Variants in TCF7L2 observed in about 807,000 individuals in gnomAD.
The protein encoded by TCF7L2 is transcription factor 7 like 2.
Under a neutral mutation model 77.9 loss-of-function variants are expected in TCF7L2, and 23 were observed. That is an observed-to-expected ratio of 0.30 (90% CI 0.21 to 0.42). The LOEUF is 0.42. Among genes scored for constraint, TCF7L2 ranks in the 10% least tolerant of loss-of-function variants. The pLI, the probability that TCF7L2 is intolerant of heterozygous loss-of-function variation, is 1.00. For synonymous variants in TCF7L2, 413 were observed against 340.2 expected (o/e 1.21, Z -2.36); for missense variants, 654 against 793.1 (o/e 0.82, Z 2.11).
chr10:113,069,716 G>A (rs1005622395), intron 5 of TCF7L2, among the ~76,000 whole-genome samples: 5 of 152,162 alleles, frequency 3.3e-5, no homozygotes, highest in Non-Finnish European at 5.9e-5. Context: ...AGTGTACAGT[G>A]TATTCATTGA....
At chr10:113,132,543 C>T (rs536123181) in intron 5 of TCF7L2, among the ~76,000 whole-genome samples, 2 of 151,972 alleles carry the variant, frequency 1.3e-5, no homozygotes, top group East Asian at 1.9e-4. Context: ...TATTTGGTGG[C>T]GAGGGGGTGG....
intron 5 of TCF7L2, among the ~76,000 whole-genome samples, chr10:113,120,063 G>T (rs2064524969): frequency 6.6e-6 from 1 of 152,220 alleles, no homozygotes; most frequent in Non-Finnish European, 1.5e-5. Context: ...CGGCTAAGCT[G>T]TTGCCGCGGG....
intron 5 of TCF7L2, among the ~76,000 whole-genome samples, chr10:113,044,325 G>A (rs891458278): frequency 6.6e-6 from 1 of 152,228 alleles, no homozygotes; most frequent in African/African-American, 2.4e-5. Flanking sequence ...AGCTCAGAGG[G>A]CATGCTGAAC....
intron 4 of TCF7L2, among the ~76,000 whole-genome samples, chr10:112,977,874 C>T (rs144155527): frequency 0.014 from 2,104 of 152,156 alleles, 25 homozygotes; most frequent in Admixed American, 0.022. Context: ...TGCCTGCTGT[C>T]GGGGAGCAGC....
At chr10:113,143,242 C>T (rs1253256186) in intron 6 of TCF7L2, among the ~76,000 whole-genome samples, 1 of 152,238 alleles carries the variant, frequency 6.6e-6, no homozygotes, top group Non-Finnish European at 1.5e-5. Context: ...GGTGCCCATT[C>T]AGCAGGTGGG....
intron 4 of TCF7L2, among the ~76,000 whole-genome samples, chr10:112,983,675 C>A (rs997724896): frequency 6.6e-6 from 1 of 152,072 alleles, no homozygotes; most frequent in African/African-American, 2.4e-5. Flanking sequence ...GCCTCAAAGA[C>A]AAGTGGTGTT....
chr10:113,055,642 G>A (rs947054973), intron 5 of TCF7L2, among the ~76,000 whole-genome samples: 2 of 152,202 alleles, frequency 1.3e-5, no homozygotes, highest in Non-Finnish European at 2.9e-5. Flanking sequence ...TCACAGGAAA[G>A]AGCATAGTAT....
chr10:113,121,348 A>G (rs1194519025), intron 5 of TCF7L2, among the ~76,000 whole-genome samples: 3 of 152,188 alleles, frequency 2.0e-5, no homozygotes, highest in Admixed American at 6.5e-5. Context: ...ACAACATGCC[A>G]TTAGAAATTG....
chr10:112,951,668 C>T (rs2031400253), intron 3 of TCF7L2, 61 bp downstream of exon 3: 1 of 1,015,696 alleles, frequency 9.8e-7, no homozygotes, highest in Non-Finnish European at 1.2e-6. Flanking sequence ...CCCGCCGGGC[C>T]CCGCATGCGG....
chr10:113,131,719 T>A (rs2066630620), intron 5 of TCF7L2, among the ~76,000 whole-genome samples: 1 of 152,212 alleles, frequency 6.6e-6, no homozygotes, highest in Admixed American at 6.5e-5. Flanking sequence ...TGAAACCTTG[T>A]ATTCTTAGGG....
At chr10:113,148,304 G>A (rs1006030732) in intron 8 of TCF7L2, among the ~76,000 whole-genome samples, 25 of 152,138 alleles carry the variant, frequency 1.6e-4, no homozygotes, top group Non-Finnish European at 3.1e-4. Flanking sequence ...ACGAGAGCCG[G>A]CTCTGAAATC....
intron 5 of TCF7L2, among the ~76,000 whole-genome samples, chr10:113,105,524 C>G (rs542665923): frequency 6.6e-6 from 1 of 152,128 alleles, no homozygotes; most frequent in African/African-American, 2.4e-5. Context: ...GTTACCGTGG[C>G]TATTGTTCTG....
At chr10:112,969,325 T>G (rs2037716866) in intron 4 of TCF7L2, among the ~76,000 whole-genome samples, 1 of 152,256 alleles carries the variant, frequency 6.6e-6, no homozygotes, top group Non-Finnish European at 1.5e-5. Context: ...TGGTTTGCTC[T>G]TTTTCATGGC....
At chr10:113,025,399 T>C (rs1175860476) in intron 4 of TCF7L2, among the ~76,000 whole-genome samples, 1 of 152,054 alleles carries the variant, frequency 6.6e-6, no homozygotes, top group East Asian at 1.9e-4. Flanking sequence ...CCACCACTTC[T>C]GGCTAATTTT....
chr10:112,988,128 T>C (rs1470506944), intron 4 of TCF7L2, among the ~76,000 whole-genome samples: 1 of 150,594 alleles, frequency 6.6e-6, no homozygotes, highest in African/African-American at 2.5e-5. Context: ...TGAGACAGAG[T>C]CTTGCTCTTG....
chr10:113,100,347 G>A (rs561071544), intron 5 of TCF7L2, among the ~76,000 whole-genome samples: 1 of 152,320 alleles, frequency 6.6e-6, no homozygotes, highest in East Asian at 1.9e-4. Flanking sequence ...GTGTCACTGT[G>A]GGGTCTTAAT....
rs572172392 is a variant in TCF7L2, at chr10:113,149,348, A to G, written c.876-1650A>G. Reference sequence around the variant, plus strand: ...TTTTTGATACATTCGAAGGACTTGTATTGTTGTTATTTTTAAAATCATGTC... The same window carrying G: ...TTTTTGATACATTCGAAGGACTTGTGTTGTTGTTATTTTTAAAATCATGTC... On this transcript the variant is annotated intron_variant, in intron 8 of 13. Coordinates refer to ENST00000627217, the MANE Select transcript of TCF7L2 (RefSeq NM_001146274.2). 4.6e-5 allele frequency among the ~76,000 whole-genome samples: 7 copies of G among 152,076 alleles called. No individual in the cohort carries two copies. In the East Asian group the frequency reaches 9.7e-4, roughly 21 times the overall value.
At chr10:112,985,858 G>GT (rs914711092) in intron 4 of TCF7L2, among the ~76,000 whole-genome samples, 49 of 128,552 alleles carry the variant, frequency 3.8e-4, no homozygotes, top group African/African-American at 1.5e-3. Context: ...GAAGCCTGTA[G>GT]TTTGTGTGTG....
At chr10:113,057,767 C>T (rs903428977) in intron 5 of TCF7L2, among the ~76,000 whole-genome samples, 9 of 152,054 alleles carry the variant, frequency 5.9e-5, no homozygotes, top group Non-Finnish European at 2.9e-5. Flanking sequence ...GGTGGCTTTT[C>T]TCAGGTGGAA....
Sources: allele counts gnomAD v4.1 joint callset (sites outside exome capture counted in the v4.1 genomes callset), GRCh38; gene constraint gnomAD v4.1.1; transcripts MANE v1.5; gene names NCBI Gene and HGNC (gene_info 2026-07-23, HGNC 2026-07-21).